The following RFX3 variants were observed in gnomAD, a reference collection of about 807,000 sequenced individuals.
RFX3 encodes transcription factor RFX3.
In RFX3, 14 loss-of-function variants were observed where a neutral mutation model predicts 98.6. The ratio of observed to expected loss-of-function variants is 0.14; its 90% CI spans 0.09 to 0.22. The LOEUF is 0.22. Ranked by LOEUF, RFX3 falls within the 10% of genes least tolerant of loss-of-function variation. RFX3 has a pLI of 1.00. For synonymous variants in RFX3, 383 were observed against 328.4 expected (o/e 1.17, Z -1.80); for missense variants, 639 against 926.9 (o/e 0.69, Z 4.03).
intron 5 of RFX3, among the ~76,000 whole-genome samples, chr9:3,295,652 A>T (rs750473436): frequency 1.3e-5 from 2 of 152,134 alleles, no homozygotes; most frequent in Non-Finnish European, 2.9e-5. Flanking sequence ...AATGCCAAAG[A>T]TATGTTTGTA....
intron 1 of RFX3, among the ~76,000 whole-genome samples, chr9:3,416,834 T>C (rs999043960): frequency 1.3e-5 from 2 of 152,046 alleles, no homozygotes; most frequent in East Asian, 1.9e-4. Context: ...AACCAAAGAA[T>C]AGACAGAAGA....
At chr9:3,336,299 A>C (rs1833168344) in intron 3 of RFX3, among the ~76,000 whole-genome samples, 1 of 152,148 alleles carries the variant, frequency 6.6e-6, no homozygotes, top group South Asian at 2.1e-4. Context: ...GGAACAACAC[A>C]GACATGACCT....
chr9:3,456,186 T>TG (rs771712376), intron 1 of RFX3, among the ~76,000 whole-genome samples: 2 of 152,238 alleles, frequency 1.3e-5, no homozygotes, highest in Non-Finnish European at 2.9e-5. Context: ...AGTATCACAT[T>TG]GGCCCTTAAG....
At chr9:3,343,092 T>C (rs889624021) in intron 3 of RFX3, among the ~76,000 whole-genome samples, 14 of 152,184 alleles carry the variant, frequency 9.2e-5, no homozygotes, top group South Asian at 2.1e-4. Flanking sequence ...CGGGTAAACA[T>C]TTTAGTATCA....
chr9:3,410,161 CTGTGTGTGTGTGTG>C (rs555349379), intron 1 of RFX3, among the ~76,000 whole-genome samples: 14 of 114,048 alleles, frequency 1.2e-4, no homozygotes, highest in South Asian at 3.8e-4. Context: ...GTGAGATAAA[CTGTGTGTGTGTGTG>C]TGTGTGTGTG....
rs1042735726 is a variant in RFX3 at position 3,220,181 on chromosome 9, A to C, written c.*4861T>G. On this transcript the variant is annotated 3_prime_UTR_variant, in exon 17 of 17. Transcript: ENST00000617270. ...AATTATGCCCTGTGTGAAATTCGCA[A>C]ACAATATTTTATGAGCGATCTAACT... is the stretch of plus-strand genomic sequence containing the variant. 6.6e-6 allele frequency: 1 copy of C among 152,152 alleles called. No individual in the cohort carries two copies. Among genetic ancestry groups the C allele is most frequent in the Admixed American group, 6.6e-5 (1 of 15,266 alleles). 9.4% of individuals were successfully genotyped at this position (152,152 alleles called of 1,614,324 possible). A position where few individuals can be genotyped will look rare whatever the true frequency, so the allele number is the denominator to read the frequency against.
intron 13 of RFX3, 94 bp downstream of exon 13, chr9:3,262,841 A>G: frequency 7.7e-7 from 1 of 1,305,278 alleles, no homozygotes; most frequent in Non-Finnish European, 1.1e-6. Flanking sequence ...CCATATATAG[A>G]TGAGACTTTG....
Position 3,520,213 on chromosome 9 carries a change from T to C in RFX3, c.-9+5534A>G, listed in dbSNP as rs571947157. ...TTTTAGCAAGACCAGTATTTAAACA[T>C]AGTGTTACTTTAATAAATGTTTTGG... On this transcript the variant is annotated intron_variant, in intron 1 of 16. Transcript: ENST00000617270. Among the ~76,000 whole-genome samples, 5 of 152,332 alleles carry C rather than the reference T, an allele frequency of 3.3e-5. No individual in the cohort carries two copies. In the East Asian group the frequency reaches 9.6e-4, roughly 29 times the overall value.
At chr9:3,466,019 A>C (rs867908566) in intron 1 of RFX3, among the ~76,000 whole-genome samples, 32 of 152,190 alleles carry the variant, frequency 2.1e-4, no homozygotes, top group African/African-American at 6.5e-4. Flanking sequence ...GAGAAATACA[A>C]GATTGGAAGT....
intron 1 of RFX3, among the ~76,000 whole-genome samples, chr9:3,479,415 T>A (rs1051011245): frequency 2.0e-5 from 3 of 152,198 alleles, no homozygotes; most frequent in Non-Finnish European, 4.4e-5. Flanking sequence ...TTTGATTTTT[T>A]AAAAATATAC....
intron 1 of RFX3, among the ~76,000 whole-genome samples, chr9:3,404,285 A>G (rs910572747): frequency 1.3e-5 from 2 of 152,180 alleles, no homozygotes; most frequent in African/African-American, 4.8e-5. Context: ...GATTTTCATT[A>G]TATGTATATG....
intron 4 of RFX3, among the ~76,000 whole-genome samples, chr9:3,324,532 G>T (rs1563927814): frequency 1.4e-5 from 2 of 141,200 alleles, no homozygotes; most frequent in African/African-American, 5.4e-5. Flanking sequence ...AAGTCTCCAA[G>T]ACATATTGTT....
chr9:3,505,252 G>T (rs1180860029), intron 1 of RFX3, among the ~76,000 whole-genome samples: 9 of 62,846 alleles, frequency 1.4e-4, no homozygotes, highest in African/African-American at 6.7e-4. Context: ...ATATATATAT[G>T]AATATATATT....
At chr9:3,387,456 T>C (rs1000946299) in intron 2 of RFX3, among the ~76,000 whole-genome samples, 3 of 152,128 alleles carry the variant, frequency 2.0e-5, no homozygotes, top group Non-Finnish European at 4.4e-5. Context: ...TTTTTAACTA[T>C]TCAGTAGAGA....
chr9:3,411,355 CTTTT>C (rs944233483), intron 1 of RFX3, among the ~76,000 whole-genome samples: 1 of 151,884 alleles, frequency 6.6e-6, no homozygotes, highest in African/African-American at 2.4e-5. Context: ...TTTCTCTCCT[CTTTT>C]TTATTTATTT....
At chr9:3,438,042 C>T (rs909685347) in intron 1 of RFX3, among the ~76,000 whole-genome samples, 2 of 151,826 alleles carry the variant, frequency 1.3e-5, no homozygotes, top group Non-Finnish European at 2.9e-5. Flanking sequence ...ACTGATAAAC[C>T]TAAGAATACA....
At position 3,221,270 on chromosome 9, in the gene RFX3, T is replaced by A. The variant is rs1295743570; in HGVS notation, c.*3772A>T. 1 of 152,176 alleles carries A rather than the reference T, an allele frequency of 6.6e-6. No individual in the cohort carries two copies. The highest frequency in any genetic ancestry group is 1.5e-5 in the Non-Finnish European group (1 of 68,022). 9.4% of individuals were successfully genotyped at this position (152,176 alleles called of 1,614,324 possible). A position where few individuals can be genotyped will look rare whatever the true frequency, so the allele number is the denominator to read the frequency against. On this transcript the variant is annotated 3_prime_UTR_variant, in exon 17 of 17. Coordinates refer to ENST00000617270, the MANE Select transcript of RFX3 (RefSeq NM_001282116.2). Reference sequence around the variant, plus strand: ...ATATCATCTGAGGAATTTTTAAAAATTTGAAAATGCATTTAGCACTTTTAG... The same window carrying A: ...ATATCATCTGAGGAATTTTTAAAAAATTGAAAATGCATTTAGCACTTTTAG...
At chr9:3,299,529 G>C (rs1339533837) in intron 5 of RFX3, among the ~76,000 whole-genome samples, 1 of 151,576 alleles carries the variant, frequency 6.6e-6, no homozygotes, top group African/African-American at 2.4e-5. Flanking sequence ...AATGAATCAG[G>C]ATAGTTGGAG....
At chr9:3,500,218 A>C (rs777631160) in intron 1 of RFX3, among the ~76,000 whole-genome samples, 1 of 152,206 alleles carries the variant, frequency 6.6e-6, no homozygotes, top group Non-Finnish European at 1.5e-5. Flanking sequence ...AAGCAAGAAG[A>C]GAATGGGTTC....
Sources: gnomAD v4.1 joint callset for allele counts (sites outside exome capture counted in the v4.1 genomes callset) on GRCh38, gnomAD v4.1.1 for gene constraint, MANE v1.5 for transcripts, NCBI Gene and HGNC (gene_info 2026-07-23, HGNC 2026-07-21) for gene names.